The following CDH13 variants were observed in gnomAD, a reference collection of about 807,000 sequenced individuals.
CDH13 encodes the protein cadherin 13.
CDH13 carries 24 observed loss-of-function variants against 63.8 expected under a neutral mutation model. The ratio of observed to expected loss-of-function variants is 0.38; its 90% CI spans 0.27 to 0.53. The LOEUF is 0.53. CDH13 is among the 20% of genes least tolerant of loss of function. The pLI is 0.85. For synonymous variants in CDH13, 503 were observed against 355.3 expected (o/e 1.42, Z -4.67); for missense variants, 1,049 against 903.1 (o/e 1.16, Z -2.07).
At chr16:83,286,448 A>G (rs190313455) in intron 5 of CDH13, among the ~76,000 whole-genome samples, 43 of 152,274 alleles carry the variant, frequency 2.8e-4, no homozygotes, top group African/African-American at 1.0e-3. Context: ...AATTTGGGTG[A>G]TAGAAGTTTC....
At chr16:83,168,818 A>T (rs577772781) in intron 4 of CDH13, among the ~76,000 whole-genome samples, 1 of 152,216 alleles carries the variant, frequency 6.6e-6, no homozygotes. Flanking sequence ...ATTTTCTGGG[A>T]ATGTTCTCTT....
chr16:83,559,557 G>A (rs561057677), intron 7 of CDH13, among the ~76,000 whole-genome samples: 2 of 143,768 alleles, frequency 1.4e-5, no homozygotes, highest in South Asian at 4.6e-4. Context: ...GGCAACAAGA[G>A]CGAAACTGTA....
chr16:83,354,124 A>C (rs1007265733), intron 6 of CDH13, among the ~76,000 whole-genome samples: 7 of 152,248 alleles, frequency 4.6e-5, no homozygotes, highest in Non-Finnish European at 8.8e-5. Flanking sequence ...ATTTCTAGCG[A>C]AAATGAAAAT....
At chr16:82,713,663 G>A (rs1031478378) in intron 1 of CDH13, among the ~76,000 whole-genome samples, 6 of 152,056 alleles carry the variant, frequency 3.9e-5, no homozygotes, top group African/African-American at 1.4e-4. Flanking sequence ...CCATTAAAAA[G>A]CCAGCAAAAG....
chr16:82,652,222 T>G (rs1477102459), intron 1 of CDH13, among the ~76,000 whole-genome samples: 1 of 152,160 alleles, frequency 6.6e-6, no homozygotes, highest in African/African-American at 2.4e-5. Context: ...AAATCATTAT[T>G]GGTTTGTCAT....
chr16:83,784,027 T>C (rs1420319765), intron 13 of CDH13, among the ~76,000 whole-genome samples: 3 of 152,224 alleles, frequency 2.0e-5, no homozygotes, highest in East Asian at 1.9e-4. Context: ...CCAAGTAGTA[T>C]AGATGTGAGG....
At chr16:83,496,206 A>G (rs2074139822) in intron 7 of CDH13, among the ~76,000 whole-genome samples, 2 of 151,860 alleles carry the variant, frequency 1.3e-5, no homozygotes, top group South Asian at 4.2e-4. Flanking sequence ...CGCCAAGTCA[A>G]TCCTAAGCCA....
In CDH13 at chr16:83,609,875, C is replaced by A. The variant is rs368609889; in HGVS notation, c.1101+7281C>A. 1.8e-3 allele frequency among the ~76,000 whole-genome samples: 270 copies of A among 152,308 alleles called. 1 individual carries two copies. The highest frequency in any genetic ancestry group is 6.0e-3 in the African/African-American group (251 of 41,554). On this transcript the variant is annotated intron_variant, in intron 8 of 13. Coordinates refer to ENST00000567109, the MANE Select transcript of CDH13 (RefSeq NM_001257.5). Reference sequence around the variant, plus strand: ...ACCCGAACCCATGAGCAGTTACTCCCCATTGCCCATTCCCCCACGCTGGCC... The same window carrying A: ...ACCCGAACCCATGAGCAGTTACTCCACATTGCCCATTCCCCCACGCTGGCC...
chr16:83,500,799 C>G (rs1052151913), intron 7 of CDH13, among the ~76,000 whole-genome samples: 2 of 151,236 alleles, frequency 1.3e-5, no homozygotes, highest in Admixed American at 1.3e-4. Flanking sequence ...AGGCTGGTCT[C>G]AAACTCCTGA....
intron 8 of CDH13, among the ~76,000 whole-genome samples, chr16:83,634,119 GTGTGTGTGTGTGTGTA>G (rs1283070036): frequency 7.0e-4 from 40 of 56,762 alleles, no homozygotes; most frequent in African/African-American, 2.4e-3. Context: ...TGTGTTTTCT[GTGTGTGTGTGTGTGTA>G]TGTGTGTGTG....
chr16:83,393,565 A>G (rs1298402073), intron 6 of CDH13, among the ~76,000 whole-genome samples: 1 of 152,190 alleles, frequency 6.6e-6, no homozygotes, highest in African/African-American at 2.4e-5. Flanking sequence ...CCCAGCCCAC[A>G]GTTTTGTGCG....
At chr16:82,998,969 G>A (rs748178860) in intron 2 of CDH13, among the ~76,000 whole-genome samples, 2 of 148,034 alleles carry the variant, frequency 1.4e-5, no homozygotes, top group Non-Finnish European at 3.0e-5. Context: ...TTTTCCTTAC[G>A]CACATGAATA....
chr16:83,424,310 A>G (rs539082966), intron 6 of CDH13, among the ~76,000 whole-genome samples: 33 of 152,368 alleles, frequency 2.2e-4, no homozygotes, highest in Non-Finnish European at 3.5e-4. Context: ...GAAGAGGGAA[A>G]TCCAGCATGG....
At chr16:82,789,241 C>A (rs8050902) in intron 1 of CDH13, among the ~76,000 whole-genome samples, 9,828 of 152,162 alleles carry the variant, frequency 0.065, 341 homozygotes, top group Middle Eastern at 0.12. Flanking sequence ...AGAGAAGTCA[C>A]GAAGAGTAGG....
At chr16:83,314,603 G>A (rs1180709448) in intron 5 of CDH13, among the ~76,000 whole-genome samples, 1 of 152,010 alleles carries the variant, frequency 6.6e-6, no homozygotes, top group African/African-American at 2.4e-5. Context: ...GTAAAGACAA[G>A]CCCACAACTT....
At position 83,537,413 on chromosome 16, in the gene CDH13, T is replaced by C. The variant is rs146035840; in HGVS notation, c.960+50758T>C. On this transcript the variant is annotated intron_variant, in intron 7 of 13. Transcript: ENST00000567109. ...CTTAATTTGGCTTGAATAATTTACTTGGATTCTTCCTTATCAACAAGACTT... is the reference window on the plus strand; with the variant it reads ...CTTAATTTGGCTTGAATAATTTACTCGGATTCTTCCTTATCAACAAGACTT... Among the ~76,000 whole-genome samples the C allele has an allele frequency of 4.3e-3, 660 of 152,322 alleles. 3 individuals are homozygous for C. Among genetic ancestry groups the C allele is most frequent in the Non-Finnish European group, 7.5e-3 (507 of 68,016 alleles).
At chr16:82,673,260 G>T (rs186694472) in intron 1 of CDH13, among the ~76,000 whole-genome samples, 2 of 151,932 alleles carry the variant, frequency 1.3e-5, no homozygotes, top group Non-Finnish European at 2.9e-5. Flanking sequence ...CTTCTCAGCC[G>T]TGTGTCTCTT....
At chr16:82,900,502 T>C (rs1439467149) in intron 2 of CDH13, among the ~76,000 whole-genome samples, 1 of 152,154 alleles carries the variant, frequency 6.6e-6, no homozygotes, top group East Asian at 1.9e-4. Context: ...AAGCAAGAGA[T>C]AAGAAATAAC....
At chr16:83,309,271 C>A (rs75586590) in intron 5 of CDH13, among the ~76,000 whole-genome samples, 1 of 152,114 alleles carries the variant, frequency 6.6e-6, no homozygotes, top group African/African-American at 2.4e-5. Context: ...GTACTGGGAT[C>A]TTTGGGAAAA....
Sources: gnomAD v4.1 joint callset for allele counts (sites outside exome capture counted in the v4.1 genomes callset) on GRCh38, gnomAD v4.1.1 for gene constraint, MANE v1.5 for transcripts, NCBI Gene and HGNC (gene_info 2026-07-23, HGNC 2026-07-21) for gene names.